The following KIF15 variants were observed in gnomAD, a reference collection of about 807,000 sequenced individuals.
KIF15 encodes kinesin-like protein KIF15.
In KIF15, 140 loss-of-function variants were observed where a neutral mutation model predicts 190.6. That is an observed-to-expected ratio of 0.73 (90% CI 0.64 to 0.84). The LOEUF is 0.84. KIF15 is among the 40% of genes least tolerant of loss of function. The pLI is 0.00. For synonymous variants in KIF15, 528 were observed against 551.3 expected (o/e 0.96, Z 0.59); for missense variants, 1,372 against 1,584.4 (o/e 0.87, Z 2.28).
In KIF15 at chr3:44,851,907, A is replaced by G. The variant is rs1559596971; in HGVS notation, c.3927A>G (p.Arg1309=). 6.2e-7 allele frequency: 1 copy of G among 1,613,974 alleles called. No individual in the cohort carries two copies. Among genetic ancestry groups the G allele is most frequent in the South Asian group, 1.1e-5 (1 of 91,050 alleles). ...SKAFQEKEQL[R]SKLEEMYEER... ...CATTCCAGGAAAAAGAACAACTGAG[A>G]TCAAAGCTGGAAGAAATGTATGAAG... Residue 1309 remains arginine (R), a synonymous_variant, in exon 33 of 35, where the codon AGA becomes AGG. Coordinates refer to ENST00000326047, the MANE Select transcript of KIF15 (RefSeq NM_020242.3).
rs1210206970 is a variant in KIF15, at chr3:44,775,254, T to C, written c.63T>C (p.Ser21=). The stretch of plus-strand genomic sequence containing the variant: ...GTTACTTTCTTTTTTTTGTCTTTAG[T>C]AATGAAGGTGATGCCATCAAAGTTT... The part of the protein sequence containing the change: ...SVTNGQSNQP[S]NEGDAIKVFV... The change falls in exon 3 of 35, where the codon AGT becomes AGC. Residue 21 remains serine (S), a splice_region_variant and synonymous_variant. Coordinates refer to ENST00000326047, the MANE Select transcript of KIF15 (RefSeq NM_020242.3). 4 of 1,611,538 alleles carry C rather than the reference T, an allele frequency of 2.5e-6. No homozygotes were observed. Among genetic ancestry groups the C allele is most frequent in the Non-Finnish European group, 3.4e-6 (4 of 1,178,628 alleles).
In KIF15 at chr3:44,797,686, A is replaced by G. The variant is rs1393817894; in HGVS notation, c.975+10A>G. 6.2e-7 allele frequency: 1 copy of G among 1,613,026 alleles called. No homozygotes were observed. Among genetic ancestry groups the G allele is most frequent in the Non-Finnish European group, 8.5e-7 (1 of 1,179,508 alleles). ...TACCTTCTTACTACGGGTAAAGTAG[A>G]TCCTTGGGTTCCTGGGCTCCTTTTG... On this transcript the variant is annotated intron_variant, in intron 9 of 34. Coordinates refer to ENST00000326047, the MANE Select transcript of KIF15 (RefSeq NM_020242.3).
intron 20 of KIF15, among the ~76,000 whole-genome samples, chr3:44,820,883 G>T (rs557640697): frequency 6.6e-6 from 1 of 152,336 alleles, no homozygotes; most frequent in African/African-American, 2.4e-5. Flanking sequence ...CCCAGACGGG[G>T]TGGTGGCCGG....
intron 33 of KIF15, 34 bp downstream of exon 33, chr3:44,851,986 A>G (rs1236018372): frequency 6.3e-7 from 1 of 1,590,658 alleles, no homozygotes; most frequent in Non-Finnish European, 8.6e-7. Context: ...CATGATACTT[A>G]GAACACTCAA....
chr3:44,824,835 C>A (rs1164709748), intron 20 of KIF15, among the ~76,000 whole-genome samples: 3 of 152,232 alleles, frequency 2.0e-5, no homozygotes, highest in Admixed American at 6.5e-5. Context: ...ACACGGCTTA[C>A]TGCAGCCTCA....
chr3:44,815,034 C>T lies in KIF15; in HGVS notation c.2507C>T (p.Ser836Phe). Reference protein sequence around the residue: ...TNQEKEFNKLSERHMHVQLQL... With the variant: ...TNQEKEFNKLFERHMHVQLQL... ...CAGGAGAAAGAATTCAACAAACTTT[C>T]CGAAAGACACATGCATGTACAGCTT... is the stretch of plus-strand genomic sequence containing the variant. Residue 836 changes from serine (S) to phenylalanine (F), a missense_variant, in exon 20 of 35, where the codon TCC (serine) becomes TTC (phenylalanine). Transcript: ENST00000326047. 1 of 1,611,076 alleles carries T rather than the reference C, an allele frequency of 6.2e-7. No homozygotes were observed. Among genetic ancestry groups the T allele is most frequent in the Non-Finnish European group, 8.5e-7 (1 of 1,179,040 alleles).
At chr3:44,868,047 G>A (rs1022797572) in intron 6 of KIF15, among the ~76,000 whole-genome samples, 6 of 152,046 alleles carry the variant, frequency 3.9e-5, no homozygotes, top group East Asian at 1.9e-4. Context: ...GACCATTACC[G>A]CTAGCTAATT....
chr3:44,803,282 T>C (rs993329926), intron 14 of KIF15, among the ~76,000 whole-genome samples: 1 of 152,258 alleles, frequency 6.6e-6, no homozygotes, highest in Non-Finnish European at 1.5e-5. Flanking sequence ...TTACTAAATT[T>C]TCCTGTTTAA....
chr3:44,791,300 C>T (rs1362752966), intron 7 of KIF15, among the ~76,000 whole-genome samples: 1 of 152,028 alleles, frequency 6.6e-6, no homozygotes, highest in African/African-American at 2.4e-5. Flanking sequence ...TAACTGTATT[C>T]TGTTCTGTTG....
chr3:44,848,311 G>A (rs953954461), intron 31 of KIF15, among the ~76,000 whole-genome samples: 1 of 152,152 alleles, frequency 6.6e-6, no homozygotes, highest in East Asian at 1.9e-4. Flanking sequence ...CAAGTACCAA[G>A]GCCTGTTTGA....
At chr3:44,863,802 A>T (rs9869037) in intron 6 of KIF15, 2,985 of 192,860 alleles carry the variant, frequency 0.015, 81 homozygotes, top group African/African-American at 0.062. Context: ...TCAAGAAATA[A>T]GAACTCTACC....
At chr3:44,840,849 A>G (rs1320556491) in intron 28 of KIF15, among the ~76,000 whole-genome samples, 2 of 148,894 alleles carry the variant, frequency 1.3e-5, no homozygotes, top group African/African-American at 4.9e-5. Flanking sequence ...TTTTTTCTGT[A>G]TTTTAGTAGC....
chr3:44,815,266 A>C (rs1707978847), intron 20 of KIF15, among the ~76,000 whole-genome samples, 190 bp downstream of exon 20: 1 of 152,142 alleles, frequency 6.6e-6, no homozygotes, highest in Admixed American at 6.5e-5. Flanking sequence ...CTCAAGCAAT[A>C]TTGTCAGTGT....
chr3:44,865,395 C>CT lies in KIF15; in HGVS notation c.*60-7931dup. ...AAGTGTTTTGATCATCTGTACAGTG[C>CT]TTTGGATTCTTCCTCCCAGGCCTAC... On this transcript the variant is annotated intron_variant and NMD_transcript_variant, in intron 6 of 6. Transcript: ENST00000422209. 4 of 593,252 alleles carry CT rather than the reference C, an allele frequency of 6.7e-6. No homozygotes were observed. The South Asian group carries it at 1.0e-4, about 15-fold the overall frequency. The allele number at this position is 593,252 out of a possible 1,614,324, so 36.7% of individuals were successfully genotyped here. A position where few individuals can be genotyped will look rare whatever the true frequency, so the allele number is the denominator to read the frequency against.
chr3:44,779,149 T>C (rs1473655635), intron 4 of KIF15, among the ~76,000 whole-genome samples: 2 of 152,216 alleles, frequency 1.3e-5, no homozygotes, highest in African/African-American at 2.4e-5. Flanking sequence ...CTTTGCCCAA[T>C]GGGCCCTCCT....
intron 5 of KIF15, among the ~76,000 whole-genome samples, chr3:44,781,944 T>G (rs1706185318): frequency 6.6e-6 from 1 of 152,224 alleles, no homozygotes; most frequent in African/African-American, 2.4e-5. Context: ...TGATATGGAT[T>G]CCAGATTTTT....
intron 6 of KIF15, chr3:44,864,196 G>T: frequency 1.9e-6 from 3 of 1,613,908 alleles, no homozygotes; most frequent in Non-Finnish European, 2.5e-6. Context: ...TTCTCCTGCA[G>T]GTGAGCATGG....
intron 25 of KIF15, 95 bp from the exon 26 acceptor site, chr3:44,830,801 C>A: frequency 1.6e-6 from 2 of 1,224,758 alleles, no homozygotes; most frequent in Non-Finnish European, 2.3e-6. Context: ...TTGTGTTAAT[C>A]TTGTCATCAC....
intron 6 of KIF15, among the ~76,000 whole-genome samples, chr3:44,859,557 A>G (rs1314837768): frequency 1.3e-5 from 2 of 152,172 alleles, no homozygotes; most frequent in Admixed American, 6.5e-5. Context: ...CTACTCAGGA[A>G]GCTGAAGTGG....
Sources: gnomAD v4.1 joint callset for allele counts (sites outside exome capture counted in the v4.1 genomes callset) on GRCh38, gnomAD v4.1.1 for gene constraint, MANE v1.5 for transcripts, NCBI Gene and HGNC (gene_info 2026-07-23, HGNC 2026-07-21) for gene names.